FER: variants seen among roughly 807,000 people sequenced by gnomAD.
The protein encoded by FER is FER tyrosine kinase, also known as tyrosine-protein kinase Fer.
FER carries 63 observed loss-of-function variants against 111.0 expected under a neutral mutation model. The observed-to-expected ratio is 0.57, with a 90% CI of 0.46 to 0.70. FER has a LOEUF of 0.70. FER is among the 30% of genes least tolerant of loss of function. The pLI, the probability that FER is intolerant of heterozygous loss-of-function variation, is 0.00. For synonymous variants in FER, 327 were observed against 313.9 expected, an observed-to-expected ratio of 1.04 and a Z score of -0.44; for missense variants, 914 against 954.0, an observed-to-expected ratio of 0.96 and a Z score of 0.55.
chr5:109,036,648 C>T (rs1770443657), intron 13 of FER, among the ~76,000 whole-genome samples: 1 of 152,112 alleles, frequency 6.6e-6, no homozygotes, highest in Non-Finnish European at 1.5e-5. Context: ...TTCCCTTCCT[C>T]TCTTTCTTTC....
At chr5:109,169,109 A>G (rs1756838786) in intron 17 of FER, among the ~76,000 whole-genome samples, 1 of 152,188 alleles carries the variant, frequency 6.6e-6, no homozygotes, top group African/African-American at 2.4e-5. Flanking sequence ...GATTACATCA[A>G]AGAATCACAA....
intron 13 of FER, among the ~76,000 whole-genome samples, chr5:109,030,834 C>A (rs1401248959): frequency 6.6e-6 from 1 of 152,104 alleles, no homozygotes; most frequent in East Asian, 1.9e-4. Context: ...AAGAGACTTC[C>A]CAGGATAGGT....
chr5:109,089,054 G>T (rs1777869863), intron 16 of FER, among the ~76,000 whole-genome samples: 1 of 152,164 alleles, frequency 6.6e-6, no homozygotes. Context: ...AGTGAAAATG[G>T]CAGTTTGTAT....
intron 10 of FER, among the ~76,000 whole-genome samples, chr5:108,911,293 C>A: frequency 6.6e-6 from 1 of 151,818 alleles, no homozygotes; most frequent in East Asian, 1.9e-4. Flanking sequence ...GTGTTCATGT[C>A]GTTTGCCCAC....
intron 13 of FER, among the ~76,000 whole-genome samples, chr5:108,994,426 G>A (rs571390926): frequency 1.3e-5 from 2 of 152,260 alleles, no homozygotes; most frequent in African/African-American, 4.8e-5. Context: ...TTGTAGATGT[G>A]CAGTCATAGT....
intron 2 of FER, among the ~76,000 whole-genome samples, chr5:108,777,002 T>TA (rs560359911): frequency 5.3e-4 from 81 of 152,322 alleles, no homozygotes; most frequent in African/African-American, 1.9e-3. Context: ...AACTATTGTT[T>TA]AAAAATCTCA....
intron 5 of FER, among the ~76,000 whole-genome samples, chr5:108,862,491 G>C (rs548619452): frequency 6.6e-6 from 1 of 152,122 alleles, no homozygotes; most frequent in Non-Finnish European, 1.5e-5. Flanking sequence ...TAGAGAGATT[G>C]TCTTCTGAAG....
intron 13 of FER, among the ~76,000 whole-genome samples, chr5:108,986,021 C>T (rs566347322): frequency 6.6e-6 from 1 of 152,276 alleles, no homozygotes; most frequent in South Asian, 2.1e-4. Context: ...ACATTGTTTT[C>T]CATAGTGGTT....
chr5:108,837,514 A>C (rs1383546322), intron 5 of FER, among the ~76,000 whole-genome samples: 1 of 152,192 alleles, frequency 6.6e-6, no homozygotes, highest in Non-Finnish European at 1.5e-5. Context: ...ATTAAATTAC[A>C]TTGCAAATAT....
chr5:108,935,394 T>C (rs1042002540), intron 10 of FER, among the ~76,000 whole-genome samples: 2 of 152,100 alleles, frequency 1.3e-5, no homozygotes, highest in South Asian at 2.1e-4. Flanking sequence ...CTAAGTCTCT[T>C]ACGAGGAAAC....
intron 14 of FER, among the ~76,000 whole-genome samples, chr5:109,037,770 C>T (rs1023127596): frequency 6.6e-6 from 1 of 151,902 alleles, no homozygotes; most frequent in African/African-American, 2.4e-5. Context: ...AAAGTCAAAA[C>T]TAGTGAACTG....
chr5:108,796,809 C>A (rs1255918689), intron 2 of FER, among the ~76,000 whole-genome samples: 2 of 152,092 alleles, frequency 1.3e-5, no homozygotes, highest in Non-Finnish European at 2.9e-5. Context: ...AGAAGTGCCA[C>A]CTAAGAGGCA....
intron 16 of FER, among the ~76,000 whole-genome samples, chr5:109,067,298 G>C (rs1177255055): frequency 1.3e-5 from 2 of 150,600 alleles, no homozygotes; most frequent in South Asian, 2.1e-4. Context: ...TTAATTTTCA[G>C]AGATTACATA....
At chr5:109,093,303 T>G (rs1468249046) in intron 16 of FER, among the ~76,000 whole-genome samples, 1 of 152,194 alleles carries the variant, frequency 6.6e-6, no homozygotes, top group Non-Finnish European at 1.5e-5. Flanking sequence ...TTCTTGTTTA[T>G]TCAGACTTGT....
rs551679628 is a variant in FER, at chr5:108,966,545, G to A, written c.1656+7198G>A. On this transcript the variant is annotated intron_variant, in intron 13 of 19. Coordinates refer to ENST00000281092, the MANE Select transcript of FER (RefSeq NM_005246.4). ...TGGGATTACAGGCACGTGCCACCAC[G>A]CCGGGCTAACTTTTGTGTTTTTAGT... Among the ~76,000 whole-genome samples the A allele has an allele frequency of 7.2e-5, 11 of 151,798 alleles. No homozygotes were observed. In the East Asian group the frequency reaches 1.7e-3, roughly 24 times the overall value.
At chr5:108,799,965 C>T (rs1756455713) in intron 3 of FER, among the ~76,000 whole-genome samples, 1 of 151,702 alleles carries the variant, frequency 6.6e-6, no homozygotes. Flanking sequence ...GTCTCCGCCT[C>T]ATGAGTAGCT....
Position 108,798,328 on chromosome 5 carries a change from T to A in FER, c.146T>A (p.Leu49His). The change falls in exon 3 of 20, where the codon CTT (leucine) becomes CAT (histidine). Residue 49 changes from leucine (L) to histidine (H), a missense_variant. By Grantham distance (99) the Leu-to-His change is moderately conservative. Around this residue, in one of 3 missense-constraint regions of FER, gnomAD observed 774 missense variants for 782.6 expected, o/e 0.99. Coordinates refer to ENST00000281092, the MANE Select transcript of FER (RefSeq NM_005246.4). ...GAATATGCATCTACTTTACAGAACC[T>A]TTGTAATCAAGTTGATAAGGAAAGT... ...DKEYASTLQN[L>H]CNQVDKESTV... is the part of the protein sequence containing the mutation. 6.2e-7 allele frequency: 1 copy of A among 1,613,980 alleles called. No homozygotes were observed. The highest frequency in any genetic ancestry group is 8.5e-7 in the Non-Finnish European group (1 of 1,179,874).
At chr5:108,844,656 T>G (rs1761697000) in intron 5 of FER, among the ~76,000 whole-genome samples, 1 of 152,126 alleles carries the variant, frequency 6.6e-6, no homozygotes, top group African/African-American at 2.4e-5. Context: ...TCCACCTCTC[T>G]GTGATCTTCC....
At chr5:109,108,809 A>C (rs1749257887) in intron 17 of FER, among the ~76,000 whole-genome samples, 1 of 152,154 alleles carries the variant, frequency 6.6e-6, no homozygotes, top group African/African-American at 2.4e-5. Context: ...CTGGCTTGCA[A>C]ATTATCTCCT....
Sources: gnomAD v4.1 joint callset for allele counts (sites outside exome capture counted in the v4.1 genomes callset) on GRCh38, gnomAD v4.1.1 for gene constraint, gnomAD v4.1.1 regional missense constraint, MANE v1.5 for transcripts, NCBI Gene and HGNC (gene_info 2026-07-23, HGNC 2026-07-21) for gene names.